NEK10: variants seen among roughly 807,000 people sequenced by gnomAD.
NEK10 encodes serine/threonine-protein kinase Nek10.
A neutral mutation model predicts 159.8 loss-of-function variants in NEK10; 122 were observed. The observed-to-expected ratio is 0.76, with a 90% CI of 0.66 to 0.89. The LOEUF (loss-of-function observed/expected upper bound fraction) is 0.89, where lower values mean the gene tolerates loss of function less well. NEK10 is among the 40% of genes least tolerant of loss of function. The pLI is 0.00. For missense variants in NEK10, 1,342 were observed against 1,323.1 expected (o/e 1.01, Z -0.22); for synonymous variants, 466 against 457.1 (o/e 1.02, Z -0.25).
intron 1 of NEK10, among the ~76,000 whole-genome samples, chr3:27,366,555 T>C (rs1243154168): frequency 6.6e-6 from 1 of 152,166 alleles, no homozygotes. Context: ...AAGACTTTAT[T>C]TGTTGCACTG....
At position 27,119,741 on chromosome 3, in the gene NEK10, C is replaced by G. The variant is rs748741087; in HGVS notation, c.3190+19G>C. On this transcript the variant is annotated intron_variant, in intron 33 of 35. Coordinates refer to ENST00000691995, the MANE Select transcript of NEK10 (RefSeq NM_001394966.1). ...TATTTCTTCATGAAAGCCAGGTTACCCATGTTGATCACTATTACCTGTAGG... is the reference window on the plus strand; with the variant it reads ...TATTTCTTCATGAAAGCCAGGTTACGCATGTTGATCACTATTACCTGTAGG... 1.3e-6 allele frequency: 2 copies of G among 1,555,648 alleles called. No homozygotes were observed. Among genetic ancestry groups the G allele is most frequent in the Admixed American group, 1.7e-5 (1 of 59,828 alleles).
At chr3:27,254,158 CTT>C (rs1238899546) in intron 23 of NEK10, among the ~76,000 whole-genome samples, 2 of 152,184 alleles carry the variant, frequency 1.3e-5, no homozygotes, top group Non-Finnish European at 2.9e-5. Flanking sequence ...ACTCAAAAAT[CTT>C]TTTTAAAACA....
intron 23 of NEK10, among the ~76,000 whole-genome samples, chr3:27,233,323 A>G (rs1953517852): frequency 6.6e-6 from 1 of 152,154 alleles, no homozygotes; most frequent in Non-Finnish European, 1.5e-5. Context: ...GGGAAACACA[A>G]ATTAAAACCA....
chr3:27,344,787 C>T (rs995126366), intron 4 of NEK10, among the ~76,000 whole-genome samples: 12 of 152,134 alleles, frequency 7.9e-5, no homozygotes, highest in African/African-American at 2.9e-4. Flanking sequence ...CACATACCCT[C>T]GACCCCACTG....
At chr3:27,292,602 G>A (rs572925963) in intron 16 of NEK10, among the ~76,000 whole-genome samples, 2 of 152,132 alleles carry the variant, frequency 1.3e-5, no homozygotes, top group East Asian at 3.9e-4. Context: ...GGGAGGCCAA[G>A]GCGGGTGGAT....
At chr3:27,330,436 A>C (rs1311195904) in intron 5 of NEK10, among the ~76,000 whole-genome samples, 2 of 152,232 alleles carry the variant, frequency 1.3e-5, no homozygotes, top group Admixed American at 6.5e-5. Flanking sequence ...GTAAAAGCAG[A>C]ATGTAGTTTT....
chr3:27,272,129 C>T (rs537144846), intron 22 of NEK10, among the ~76,000 whole-genome samples: 1 of 152,294 alleles, frequency 6.6e-6, no homozygotes, highest in East Asian at 1.9e-4. Flanking sequence ...AAGGTATTCC[C>T]AACCCTATCC....
chr3:27,274,039 T>A (rs2041580614), intron 22 of NEK10, among the ~76,000 whole-genome samples: 1 of 152,114 alleles, frequency 6.6e-6, no homozygotes, highest in Admixed American at 6.5e-5. Context: ...TTAAAATTAT[T>A]TCTAATTCAA....
chr3:27,336,386 G>A (rs2046803329), intron 5 of NEK10, among the ~76,000 whole-genome samples: 1 of 152,046 alleles, frequency 6.6e-6, no homozygotes, highest in Non-Finnish European at 1.5e-5. Context: ...CCTAGGACTG[G>A]TGGATTCACT....
chr3:27,187,460 T>G (rs62255220), intron 26 of NEK10, among the ~76,000 whole-genome samples: 34,700 of 152,026 alleles, frequency 0.23, 4,286 homozygotes, highest in Middle Eastern at 0.38. Flanking sequence ...CACCAATTTT[T>G]ACCCAAATTC....
At chr3:27,166,377 GTTTT>G (rs965352820) in intron 29 of NEK10, among the ~76,000 whole-genome samples, 1 of 151,768 alleles carries the variant, frequency 6.6e-6, no homozygotes, top group African/African-American at 2.4e-5. Context: ...CTTACTATGT[GTTTT>G]TTTGTTTGTT....
intron 26 of NEK10, among the ~76,000 whole-genome samples, chr3:27,179,917 C>T (rs1426498131): frequency 6.6e-6 from 1 of 151,828 alleles, no homozygotes; most frequent in Non-Finnish European, 1.5e-5. Context: ...CTGGTCTCTA[C>T]TAAAAATACA....
intron 22 of NEK10, among the ~76,000 whole-genome samples, chr3:27,280,773 G>T (rs2042095809): frequency 6.6e-6 from 1 of 152,048 alleles, no homozygotes; most frequent in Admixed American, 6.6e-5. Flanking sequence ...GACCAGCCCA[G>T]GGTCACAAGA....
chr3:27,351,795 C>T (rs755767027), intron 3 of NEK10, among the ~76,000 whole-genome samples: 2 of 151,992 alleles, frequency 1.3e-5, no homozygotes, highest in Non-Finnish European at 2.9e-5. Context: ...AGTTAAGGTG[C>T]TAAATAAGTG....
intron 33 of NEK10, among the ~76,000 whole-genome samples, chr3:27,119,085 A>T (rs1940918685): frequency 6.6e-6 from 1 of 152,238 alleles, no homozygotes; most frequent in South Asian, 2.1e-4. Flanking sequence ...CAGATATGAC[A>T]AGAAGAGTTC....
intron 13 of NEK10, among the ~76,000 whole-genome samples, chr3:27,299,206 G>C (rs1472894866): frequency 6.6e-6 from 1 of 152,212 alleles, no homozygotes; most frequent in Non-Finnish European, 1.5e-5. Flanking sequence ...TCCCTCTGCT[G>C]TGCGCAGTCT....
chr3:27,162,508 T>C (rs141015147), intron 30 of NEK10, 193 bp downstream of exon 30: 12 of 1,614,060 alleles, frequency 7.4e-6, no homozygotes, highest in Non-Finnish European at 8.5e-6. Flanking sequence ...GCTATGGGAC[T>C]GCCACCCTGT....
intron 31 of NEK10, among the ~76,000 whole-genome samples, 182 bp from the exon 32 acceptor site, chr3:27,132,172 A>T (rs1445133898): frequency 6.6e-6 from 1 of 152,198 alleles, no homozygotes; most frequent in African/African-American, 2.4e-5. Flanking sequence ...TTCAGAAGGA[A>T]TATATTATTT....
chr3:27,191,284 A>G (rs1040299597), intron 26 of NEK10, among the ~76,000 whole-genome samples: 1 of 147,516 alleles, frequency 6.8e-6, no homozygotes. Context: ...CCTTGGGCCC[A>G]CCCCCAGAAC....
Sources: gnomAD v4.1 joint callset for allele counts (sites outside exome capture counted in the v4.1 genomes callset) on GRCh38, gnomAD v4.1.1 for gene constraint, MANE v1.5 for transcripts, NCBI Gene and HGNC (gene_info 2026-07-23, HGNC 2026-07-21) for gene names.